NDST4: variants seen among roughly 807,000 people sequenced by gnomAD.
NDST4 encodes the protein N-deacetylase and N-sulfotransferase 4.
In NDST4, 63 loss-of-function variants were observed where a neutral mutation model predicts 100.8. That is an observed-to-expected ratio of 0.62 (90% CI 0.51 to 0.77). The LOEUF is 0.77. NDST4 is among the 30% of genes least tolerant of loss of function. The probability of loss-of-function intolerance (pLI) is 0.00; values close to 1 mark genes in which losing one functional copy is unlikely to be tolerated. For synonymous variants in NDST4, 377 were observed against 361.8 expected, an observed-to-expected ratio of 1.04 and a Z score of -0.48; for missense variants, 943 against 1,018.4, an observed-to-expected ratio of 0.93 and a Z score of 1.01.
intron 2 of NDST4, among the ~76,000 whole-genome samples, chr4:115,042,708 C>T (rs561206768): frequency 5.9e-5 from 9 of 152,082 alleles, no homozygotes; most frequent in South Asian, 2.1e-4. Flanking sequence ...TATCCCCTGG[C>T]GGTGAGGGGA....
chr4:115,088,839 G>A (rs908432539), intron 1 of NDST4, among the ~76,000 whole-genome samples: 6 of 151,926 alleles, frequency 3.9e-5, no homozygotes, highest in African/African-American at 1.4e-4. Context: ...TTTTTAGAAA[G>A]ATTCAGCTTG....
intron 6 of NDST4, among the ~76,000 whole-genome samples, chr4:114,871,850 G>A (rs916221094): frequency 6.6e-6 from 1 of 151,782 alleles, no homozygotes; most frequent in African/African-American, 2.4e-5. Context: ...GATCTGTATT[G>A]TAAATGTTTT....
At chr4:115,057,228 G>A (rs985164592) in intron 2 of NDST4, among the ~76,000 whole-genome samples, 1 of 152,080 alleles carries the variant, frequency 6.6e-6, no homozygotes, top group Admixed American at 6.6e-5. Context: ...TGCAAAGACT[G>A]GAAAGGAAGA....
At chr4:115,092,623 T>A (rs72900615) in intron 1 of NDST4, among the ~76,000 whole-genome samples, 4,393 of 151,636 alleles carry the variant, frequency 0.029, 223 homozygotes, top group African/African-American at 0.1. Flanking sequence ...AATGCTGTAT[T>A]TTCTGCAAAG....
chr4:115,085,620 G>A (rs565456218), intron 1 of NDST4, among the ~76,000 whole-genome samples: 130 of 152,174 alleles, frequency 8.5e-4, no homozygotes, highest in Middle Eastern at 3.4e-3. Context: ...GTTTTATAAG[G>A]TGATTTTCCC....
At chr4:115,014,020 AG>A (rs1188068310) in intron 2 of NDST4, among the ~76,000 whole-genome samples, 1 of 152,092 alleles carries the variant, frequency 6.6e-6, no homozygotes, top group Non-Finnish European at 1.5e-5. Context: ...AAGCCTACAC[AG>A]GTGGTGACTC....
intron 2 of NDST4, among the ~76,000 whole-genome samples, chr4:115,030,674 T>C (rs1041391191): frequency 2.6e-5 from 4 of 152,076 alleles, no homozygotes; most frequent in Non-Finnish European, 4.4e-5. Context: ...ATCATATAAG[T>C]GTGTAATCAC....
At chr4:114,857,815 G>A (rs1723830248) in intron 7 of NDST4, among the ~76,000 whole-genome samples, 1 of 152,192 alleles carries the variant, frequency 6.6e-6, no homozygotes, top group Non-Finnish European at 1.5e-5. Flanking sequence ...CAGGCAACTT[G>A]AAGGAACAAG....
chr4:115,054,542 A>G (rs1186277302), intron 2 of NDST4, among the ~76,000 whole-genome samples: 1 of 152,272 alleles, frequency 6.6e-6, no homozygotes, highest in East Asian at 1.9e-4. Flanking sequence ...ATTGTCACCA[A>G]TTTTTTTATT....
chr4:115,099,304 G>T (rs1272738288), intron 1 of NDST4, among the ~76,000 whole-genome samples: 2 of 151,912 alleles, frequency 1.3e-5, no homozygotes, highest in East Asian at 3.9e-4. Flanking sequence ...AAAAAAGAAA[G>T]AATTGATACG....
rs911729687 is a variant in NDST4 at position 114,848,410 on chromosome 4, T to C, written c.1817-72A>G. On this transcript the variant is annotated intron_variant, in intron 8 of 13. Transcript: ENST00000264363. ...AAATATTATTTTAGCATATTTTTGCTCAAAAAGTAATATTAAAATAATCAA... is the reference window on the plus strand; with the variant it reads ...AAATATTATTTTAGCATATTTTTGCCCAAAAAGTAATATTAAAATAATCAA... 123 of 1,218,006 alleles carry C rather than the reference T, an allele frequency of 1.0e-4. No individual in the cohort carries two copies. The Middle Eastern group carries it at 2.7e-3, about 26-fold the overall frequency. 75.4% of individuals were successfully genotyped at this position (1,218,006 alleles called of 1,614,324 possible). A position where few individuals can be genotyped will look rare whatever the true frequency, so the allele number is the denominator to read the frequency against.
intron 2 of NDST4, among the ~76,000 whole-genome samples, chr4:115,070,761 C>T (rs1729058074): frequency 6.6e-6 from 1 of 152,152 alleles, no homozygotes; most frequent in African/African-American, 2.4e-5. Context: ...ATAGCTTAGG[C>T]CAATTATATC....
intron 2 of NDST4, among the ~76,000 whole-genome samples, chr4:115,004,947 T>C (rs1170826541): frequency 6.6e-6 from 1 of 152,218 alleles, no homozygotes; most frequent in Non-Finnish European, 1.5e-5. Flanking sequence ...TCAACATTCA[T>C]GATAGGAGAA....
intron 7 of NDST4, among the ~76,000 whole-genome samples, chr4:114,862,681 G>C (rs1723942912): frequency 6.6e-6 from 1 of 152,080 alleles, no homozygotes; most frequent in Non-Finnish European, 1.5e-5. Flanking sequence ...GAAATAAAAT[G>C]TTCACAGAAA....
At chr4:115,042,326 A>G (rs187290005) in intron 2 of NDST4, among the ~76,000 whole-genome samples, 1 of 152,252 alleles carries the variant, frequency 6.6e-6, no homozygotes, top group East Asian at 1.9e-4. Flanking sequence ...TTATGGCTCA[A>G]TGATCCAAGA....
At chr4:114,948,593 T>C (rs1725921483) in intron 4 of NDST4, among the ~76,000 whole-genome samples, 1 of 152,124 alleles carries the variant, frequency 6.6e-6, no homozygotes, top group African/African-American at 2.4e-5. Flanking sequence ...GTTATCCTGT[T>C]GAAGTGATAT....
Position 114,841,556 on chromosome 4 carries a change from G to A in NDST4, c.2116-2008C>T, listed in dbSNP as rs1197899426. 2.6e-5 allele frequency among the ~76,000 whole-genome samples: 4 copies of A among 152,110 alleles called. No individual in the cohort carries two copies. The East Asian group carries it at 7.7e-4, about 29-fold the overall frequency. On this transcript the variant is annotated intron_variant, in intron 10 of 13. Transcript: ENST00000264363. ...CACATCATAAAGATTCTCTTTTATT[G>A]AACTGGTTTAATCTATGTGGAAAAA...
rs560198466 is a variant in NDST4, at chr4:114,974,266, A to G, written c.1066+2921T>C. ...AGGTCTTTTAACTAATTCTCCACACAGAAAAGCAACATATGCAAAAAACAA... is the reference window on the plus strand; with the variant it reads ...AGGTCTTTTAACTAATTCTCCACACGGAAAAGCAACATATGCAAAAAACAA... On this transcript the variant is annotated intron_variant, in intron 3 of 13. Transcript: ENST00000264363. Among the ~76,000 whole-genome samples the G allele has an allele frequency of 7.7e-4, 117 of 151,454 alleles. 1 individual carries two copies. The highest frequency in any genetic ancestry group is 6.8e-3 in the Middle Eastern group (2 of 294).
chr4:114,850,629 T>C (rs1030689104), intron 8 of NDST4, among the ~76,000 whole-genome samples: 1 of 152,204 alleles, frequency 6.6e-6, no homozygotes, highest in Non-Finnish European at 1.5e-5. Flanking sequence ...CCTATACTAA[T>C]AGAAACTATT....
Sources: gnomAD v4.1 joint callset for allele counts (sites outside exome capture counted in the v4.1 genomes callset) on GRCh38, gnomAD v4.1.1 for gene constraint, MANE v1.5 for transcripts, NCBI Gene and HGNC (gene_info 2026-07-23, HGNC 2026-07-21) for gene names.